SPIDR: variants seen among roughly 807,000 people sequenced by gnomAD.
The protein encoded by SPIDR is scaffold protein involved in DNA repair.
SPIDR carries 93 observed loss-of-function variants against 104.6 expected under a neutral mutation model. That is an observed-to-expected ratio of 0.89 (90% CI 0.75 to 1.06). The LOEUF (loss-of-function observed/expected upper bound fraction) is 1.06, where lower values mean the gene tolerates loss of function less well. Ranked by LOEUF, SPIDR falls within the 50% of genes least tolerant of loss-of-function variation. SPIDR has a pLI of 0.00. For missense variants in SPIDR, 1,154 were observed against 1,111.2 expected, an observed-to-expected ratio of 1.04 and a Z score of -0.55; for synonymous variants, 431 against 416.9, an observed-to-expected ratio of 1.03 and a Z score of -0.41.
intron 8 of SPIDR, among the ~76,000 whole-genome samples, chr8:47,556,925 G>T (rs776720689): frequency 3.9e-4 from 59 of 151,994 alleles, no homozygotes; most frequent in Non-Finnish European, 6.8e-4. Flanking sequence ...TATAAATTAA[G>T]GTGTTTTTAT....
intron 8 of SPIDR, among the ~76,000 whole-genome samples, chr8:47,503,780 TC>T (rs774818169): frequency 6.6e-6 from 1 of 152,220 alleles, no homozygotes; most frequent in Non-Finnish European, 1.5e-5. Flanking sequence ...TACCGGTTGT[TC>T]CTTTCCATGT....
chr8:47,467,054 T>TA (rs1554717875), intron 8 of SPIDR, among the ~76,000 whole-genome samples: 1 of 151,270 alleles, frequency 6.6e-6, no homozygotes, highest in Non-Finnish European at 1.5e-5. Context: ...CCCACAGAAA[T>TA]ACAAATAACC....
At chr8:47,316,469 G>T (rs1402505769) in intron 5 of SPIDR, among the ~76,000 whole-genome samples, 1 of 152,172 alleles carries the variant, frequency 6.6e-6, no homozygotes, top group Non-Finnish European at 1.5e-5. Context: ...ATACCCACCA[G>T]TTGGAGACTG....
At chr8:47,678,592 A>C (rs186499798) in intron 11 of SPIDR, among the ~76,000 whole-genome samples, 1 of 152,172 alleles carries the variant, frequency 6.6e-6, no homozygotes, top group Non-Finnish European at 1.5e-5. Flanking sequence ...CAGAGCACCC[A>C]CTTTGGAGGG....
At chr8:47,700,786 G>T (rs970155267) in intron 12 of SPIDR, among the ~76,000 whole-genome samples, 5 of 152,218 alleles carry the variant, frequency 3.3e-5, no homozygotes, top group Non-Finnish European at 7.3e-5. Context: ...AACAGTTGGG[G>T]TCTCAGCCTT....
chr8:47,360,036 A>G (rs2055440712), intron 5 of SPIDR, among the ~76,000 whole-genome samples: 1 of 151,964 alleles, frequency 6.6e-6, no homozygotes, highest in African/African-American at 2.4e-5. Context: ...AGGTCAGGAG[A>G]TTGAGACCAT....
intron 10 of SPIDR, among the ~76,000 whole-genome samples, chr8:47,661,219 C>T (rs1475781838): frequency 1.3e-5 from 2 of 152,178 alleles, no homozygotes; most frequent in Non-Finnish European, 2.9e-5. Context: ...AGTTGTGAGA[C>T]TCTCATTCTA....
rs147479638 is a variant in SPIDR at position 47,708,530 on chromosome 8, T to C, written c.1978-4132T>C. Among the ~76,000 whole-genome samples, 562 of 152,206 alleles carry C rather than the reference T, an allele frequency of 3.7e-3. 9 individuals carry two copies. Among genetic ancestry groups the C allele is most frequent in the African/African-American group, 0.013 (533 of 41,532 alleles). ...ATGAACCTGCATTGACACATCGTAC[T>C]CACCCAGAGTCCACAGTTTACATGA... On this transcript the variant is annotated intron_variant, in intron 14 of 19. Coordinates refer to ENST00000297423, the MANE Select transcript of SPIDR (RefSeq NM_001080394.4).
chr8:47,356,605 CTG>C (rs2054599195), intron 5 of SPIDR, among the ~76,000 whole-genome samples: 2 of 152,182 alleles, frequency 1.3e-5, no homozygotes, highest in Non-Finnish European at 2.9e-5. Flanking sequence ...TTTAAGTAGA[CTG>C]CTCATTAACA....
At chr8:47,502,896 T>G (rs962284777) in intron 8 of SPIDR, among the ~76,000 whole-genome samples, 7 of 152,198 alleles carry the variant, frequency 4.6e-5, no homozygotes, top group African/African-American at 1.7e-4. Context: ...CGTTATGTAC[T>G]CAGTAGTCAT....
chr8:47,313,098 T>C (rs202134037), intron 5 of SPIDR, among the ~76,000 whole-genome samples: 1 of 152,090 alleles, frequency 6.6e-6, no homozygotes, highest in African/African-American at 2.4e-5. Context: ...GGGTATTCAA[T>C]TAGGAAAAGA....
intron 10 of SPIDR, among the ~76,000 whole-genome samples, chr8:47,605,435 T>C (rs1219629163): frequency 1.3e-5 from 2 of 152,148 alleles, no homozygotes. Context: ...ATAACAAATG[T>C]TTTGTTGATG....
chr8:47,727,748 A>G (rs971401953), intron 17 of SPIDR, among the ~76,000 whole-genome samples: 2 of 152,218 alleles, frequency 1.3e-5, no homozygotes, highest in Non-Finnish European at 2.9e-5. Flanking sequence ...GTCTGTCCCT[A>G]TGAAGTCAGT....
At chr8:47,421,947 T>C (rs1554681059) in intron 7 of SPIDR, among the ~76,000 whole-genome samples, 3 of 152,206 alleles carry the variant, frequency 2.0e-5, no homozygotes, top group African/African-American at 7.2e-5. Flanking sequence ...ACAGCAAATG[T>C]TGCAGCCTGA....
chr8:47,466,495 C>T (rs2074799023), intron 8 of SPIDR, among the ~76,000 whole-genome samples: 2 of 152,088 alleles, frequency 1.3e-5, no homozygotes, highest in African/African-American at 4.8e-5. Flanking sequence ...ATACAGCATA[C>T]CAGAATCTCT....
chr8:47,405,726 G>A (rs1359621356), intron 6 of SPIDR, among the ~76,000 whole-genome samples: 9 of 152,106 alleles, frequency 5.9e-5, no homozygotes, highest in African/African-American at 2.2e-4. Context: ...ATCTGGCTAC[G>A]TTCAAAAGAG....
intron 8 of SPIDR, among the ~76,000 whole-genome samples, chr8:47,574,135 A>G (rs960243766): frequency 1.3e-5 from 2 of 152,204 alleles, no homozygotes; most frequent in Non-Finnish European, 2.9e-5. Flanking sequence ...TTCTGAGGAC[A>G]ATATTTCTTG....
chr8:47,679,230 C>A (rs1437425256), intron 11 of SPIDR, among the ~76,000 whole-genome samples: 1 of 152,230 alleles, frequency 6.6e-6, no homozygotes, highest in Non-Finnish European at 1.5e-5. Context: ...AGCAGTGTCA[C>A]TGGTATAGGT....
intron 2 of SPIDR, among the ~76,000 whole-genome samples, chr8:47,281,012 C>A (rs2037671788): frequency 1.3e-5 from 2 of 152,092 alleles, no homozygotes; most frequent in African/African-American, 4.8e-5. Context: ...TGGTTCAGGA[C>A]CAACACAATA....
Sources: gnomAD v4.1 joint callset for allele counts (sites outside exome capture counted in the v4.1 genomes callset) on GRCh38, gnomAD v4.1.1 for gene constraint, MANE v1.5 for transcripts, NCBI Gene and HGNC (gene_info 2026-07-23, HGNC 2026-07-21) for gene names.